Variants in PTPRD observed in about 807,000 individuals in gnomAD.
PTPRD encodes protein tyrosine phosphatase receptor type D.
A neutral mutation model predicts 214.5 loss-of-function variants in PTPRD; 34 were observed. The ratio of observed to expected loss-of-function variants is 0.16; its 90% confidence interval spans 0.12 to 0.21. The LOEUF (loss-of-function observed/expected upper bound fraction) is 0.21, where lower values mean the gene tolerates loss of function less well. PTPRD is among the 10% of genes least tolerant of loss of function. PTPRD has a pLI of 1.00. For synonymous variants in PTPRD, 1,128 were observed against 845.7 expected, an observed-to-expected ratio of 1.33 and a Z score of -5.79; for missense variants, 2,545 against 2,398.7, an observed-to-expected ratio of 1.06 and a Z score of -1.27.
At chr9:8,999,296 T>C (rs2099408672) in intron 11 of PTPRD, among the ~76,000 whole-genome samples, 1 of 151,980 alleles carries the variant, frequency 6.6e-6, no homozygotes, top group Non-Finnish European at 1.5e-5. Context: ...CGTTGTCTTG[T>C]TTTAAAAAAC....
chr9:8,600,403 C>T (rs1043537437), intron 14 of PTPRD, among the ~76,000 whole-genome samples: 2 of 152,100 alleles, frequency 1.3e-5, no homozygotes, highest in African/African-American at 4.8e-5. Context: ...ACTGGAGGGG[C>T]ATGTAACCTA....
intron 9 of PTPRD, among the ~76,000 whole-genome samples, chr9:9,291,783 A>C (rs1309232895): frequency 2.1e-5 from 2 of 95,584 alleles, no homozygotes; most frequent in Admixed American, 2.0e-4. Flanking sequence ...AGATTCTTAT[A>C]ATATTTTCTC....
At chr9:8,625,044 A>C (rs2095973106) in intron 14 of PTPRD, among the ~76,000 whole-genome samples, 1 of 151,818 alleles carries the variant, frequency 6.6e-6, no homozygotes, top group Non-Finnish European at 1.5e-5. Flanking sequence ...TGCCCAATAA[A>C]TGCCAGGAAC....
At chr9:10,411,047 G>A (rs1474284886) in intron 2 of PTPRD, among the ~76,000 whole-genome samples, 2 of 151,726 alleles carry the variant, frequency 1.3e-5, no homozygotes, top group Admixed American at 1.3e-4. Context: ...CACATGCTAA[G>A]AGATCAGCAA....
chr9:8,443,090 A>G (rs2095601786), intron 34 of PTPRD, among the ~76,000 whole-genome samples: 1 of 152,230 alleles, frequency 6.6e-6, no homozygotes, highest in African/African-American at 2.4e-5. Context: ...GGCTACAGTA[A>G]GCTATGATTG....
At chr9:10,224,412 G>C (rs905107995) in intron 3 of PTPRD, among the ~76,000 whole-genome samples, 1 of 151,872 alleles carries the variant, frequency 6.6e-6, no homozygotes, top group African/African-American at 2.4e-5. Flanking sequence ...ACAATGTGCA[G>C]GTTAGTTACA....
intron 5 of PTPRD, among the ~76,000 whole-genome samples, chr9:9,802,739 C>T (rs1370499802): frequency 2.0e-5 from 3 of 151,690 alleles, no homozygotes; most frequent in Admixed American, 6.6e-5. Context: ...TGAATGAATA[C>T]ACCTATCAGT....
chr9:8,324,430 T>G (rs986336261), intron 44 of PTPRD, among the ~76,000 whole-genome samples: 1 of 152,202 alleles, frequency 6.6e-6, no homozygotes, highest in African/African-American at 2.4e-5. Context: ...GGACATGAAC[T>G]CATCCTTTTT....
intron 8 of PTPRD, among the ~76,000 whole-genome samples, chr9:9,558,983 C>T (rs1460172684): frequency 6.6e-6 from 1 of 152,172 alleles, no homozygotes; most frequent in Non-Finnish European, 1.5e-5. Flanking sequence ...TACTTCAATG[C>T]TCTAAGTAGG....
intron 12 of PTPRD, among the ~76,000 whole-genome samples, chr9:8,687,151 T>C (rs1373559467): frequency 5.3e-5 from 8 of 152,220 alleles, no homozygotes; most frequent in Non-Finnish European, 1.2e-4. Flanking sequence ...ATATATTGTT[T>C]GCTAAATCAA....
chr9:8,318,520 T>C (rs886789779), intron 45 of PTPRD, among the ~76,000 whole-genome samples: 2 of 152,068 alleles, frequency 1.3e-5, no homozygotes, highest in Non-Finnish European at 2.9e-5. Context: ...GCTGTCTCTC[T>C]CACTTACATA....
intron 10 of PTPRD, among the ~76,000 whole-genome samples, chr9:9,079,798 T>G (rs1430048326): frequency 6.6e-6 from 1 of 152,072 alleles, no homozygotes; most frequent in Non-Finnish European, 1.5e-5. Context: ...CACACCAAAA[T>G]TCAGCCCATA....
At chr9:9,950,413 A>T (rs1034068756) in intron 4 of PTPRD, among the ~76,000 whole-genome samples, 1 of 152,134 alleles carries the variant, frequency 6.6e-6, no homozygotes, top group African/African-American at 2.4e-5. Context: ...CTTAAGACCT[A>T]GTTTATTTGG....
chr9:9,201,842 A>G (rs921443334), intron 9 of PTPRD, among the ~76,000 whole-genome samples: 3 of 152,212 alleles, frequency 2.0e-5, no homozygotes, highest in African/African-American at 7.2e-5. Context: ...TAGTTGCCAA[A>G]TGTTTACCAT....
At chr9:9,131,217 C>A (rs544647100) in intron 10 of PTPRD, among the ~76,000 whole-genome samples, 1 of 152,148 alleles carries the variant, frequency 6.6e-6, no homozygotes, top group African/African-American at 2.4e-5. Context: ...TCTACTTACA[C>A]GTTGATGCAA....
At chr9:10,481,560 C>G (rs911500338) in intron 2 of PTPRD, among the ~76,000 whole-genome samples, 2 of 152,114 alleles carry the variant, frequency 1.3e-5, no homozygotes, top group African/African-American at 4.8e-5. Flanking sequence ...TTATCAATGT[C>G]TCTTAGCCTC....
chr9:9,150,842 C>T (rs76129879), intron 10 of PTPRD, among the ~76,000 whole-genome samples: 421 of 152,220 alleles, frequency 2.8e-3, no homozygotes, highest in African/African-American at 9.1e-3. Flanking sequence ...CTTTTGGATG[C>T]GTGTGTTTGA....
chr9:9,211,140 T>C (rs1360677902), intron 9 of PTPRD, among the ~76,000 whole-genome samples: 2 of 152,126 alleles, frequency 1.3e-5, no homozygotes, highest in Non-Finnish European at 2.9e-5. Flanking sequence ...TCCACAGTCA[T>C]ATGTAAGCCA....
intron 9 of PTPRD, among the ~76,000 whole-genome samples, chr9:9,277,994 T>C (rs1946292177): frequency 6.6e-6 from 1 of 151,418 alleles, no homozygotes; most frequent in African/African-American, 2.4e-5. Flanking sequence ...TTACCTCATA[T>C]TCATAAAACT....
Sources: allele counts gnomAD v4.1 joint callset (sites outside exome capture counted in the v4.1 genomes callset), GRCh38; gene constraint gnomAD v4.1.1; transcripts MANE v1.5; gene names NCBI Gene and HGNC (gene_info 2026-07-23, HGNC 2026-07-21).